HFE: variants seen among roughly 807,000 people sequenced by gnomAD.
The protein encoded by HFE is hereditary hemochromatosis protein.
In HFE, 36 loss-of-function variants were observed where a neutral mutation model predicts 40.9. The ratio of observed to expected loss-of-function variants is 0.88; its 90% CI spans 0.67 to 1.16. The LOEUF is 1.16. HFE is among the 50% of genes most tolerant of loss of function. The pLI is 0.00. For synonymous variants in HFE, 157 were observed against 165.4 expected (o/e 0.95, Z 0.39); for missense variants, 376 against 432.0 (o/e 0.87, Z 1.15).
Position 26,092,742 on chromosome 6 carries a change from G to C in HFE, c.674G>C (p.Cys225Ser). 6.2e-7 allele frequency: 1 copy of C among 1,614,202 alleles called. No individual in the cohort carries two copies. Among genetic ancestry groups the C allele is most frequent in the Non-Finnish European group, 8.5e-7 (1 of 1,180,042 alleles). ...HVTSSVTTLR[C>S]RALNYYPQNI... ...ACCTCTTCAGTGACCACTCTACGGT[G>C]TCGGGCCTTGAACTACTACCCCCAG... Residue 225 changes from cysteine (C) to serine (S), a missense_variant, in exon 4 of 6, where the codon TGT becomes TCT. By Grantham distance (112) the Cys-to-Ser change is moderately radical. This residue lies in a region of HFE where 173 missense variants were observed against 186.9 expected (regional missense o/e 0.93). Transcript: ENST00000357618.
At chr6:26,091,162 G>A (rs1195516315) in intron 2 of HFE, 58 bp downstream of exon 2, 2 of 1,609,132 alleles carry the variant, frequency 1.2e-6, no homozygotes, top group African/African-American at 2.7e-5. Context: ...ATCTTTTCAT[G>A]CATCTTGAAG....
rs1420078589 is a variant in HFE at position 26,096,632 on chromosome 6, CT to C, written c.*2413del. On this transcript the variant is annotated 3_prime_UTR_variant, in exon 6 of 6. Transcript: ENST00000357618. Reference sequence around the variant, plus strand: ...CTCATCTCTTCTTTTAAACCATTTTCTTTTTTTGTGGTTAGAAAAGTTATGT... The same window carrying C: ...CTCATCTCTTCTTTTAAACCATTTTCTTTTTTGTGGTTAGAAAAGTTATGT... 2.2e-6 allele frequency: 1 copy of C among 448,012 alleles called. No homozygotes were observed. Among genetic ancestry groups the C allele is most frequent in the Admixed American group, 2.5e-5 (1 of 40,780 alleles). The allele number at this position is 448,012 out of a possible 1,614,324, so 27.8% of individuals were successfully genotyped here. A position where few individuals can be genotyped will look rare whatever the true frequency, so the allele number is the denominator to read the frequency against.
At chr6:26,089,118 G>A (rs967932448) in intron 1 of HFE, among the ~76,000 whole-genome samples, 2 of 145,950 alleles carry the variant, frequency 1.4e-5, no homozygotes, top group Admixed American at 1.4e-4. Context: ...TGGGGGGGGG[G>A]GGCGGCGTGG....
rs1762852206 is a variant in HFE at position 26,093,148 on chromosome 6, G to A, written c.922G>A (p.Gly308Arg). ...EPSPSGTLVI[G>R]VISGIAVFVV... ...CTCACCGTCTGGCACCCTAGTCATT[G>A]GAGTCATCAGTGGAATTGCTGTTTT... The change falls in exon 5 of 6, where the codon GGA becomes AGA. Residue 308 changes from glycine (G) to arginine (R), a missense_variant. By Grantham distance (125) the Gly-to-Arg change is moderately radical (BLOSUM62 -2). This residue lies in a region of HFE where 173 missense variants were observed against 186.9 expected (regional missense o/e 0.93). Transcript: ENST00000357618. 6.2e-7 allele frequency: 1 copy of A among 1,614,122 alleles called. No individual in the cohort carries two copies. The highest frequency in any genetic ancestry group is 1.3e-5 in the African/African-American group (1 of 75,020).
Position 26,096,383 on chromosome 6 carries a change from C to T in HFE, c.*2157C>T, listed in dbSNP as rs1243624368. On this transcript the variant is annotated 3_prime_UTR_variant, in exon 6 of 6. Coordinates refer to ENST00000357618, the MANE Select transcript of HFE (RefSeq NM_000410.4). ...TCTCCTGACCTCGTGATCCGCCTGC[C>T]TCGGCCTCCCAAAGTGCTGAGATTA... 2 of 451,110 alleles carry T rather than the reference C, an allele frequency of 4.4e-6. No individual in the cohort carries two copies. The highest frequency in any genetic ancestry group is 8.9e-6 in the Non-Finnish European group (2 of 225,460). 27.9% of individuals were successfully genotyped at this position (451,110 alleles called of 1,614,324 possible).
At chr6:26,092,510 A>G (rs1248638226) in intron 3 of HFE, 175 bp from the exon 4 acceptor site, 1 of 1,016,610 alleles carries the variant, frequency 9.8e-7, no homozygotes, top group African/African-American at 1.6e-5. Context: ...CTGCTCTCCA[A>G]GTGACACTGT....
Position 26,093,205 on chromosome 6 carries a change from A to G in HFE, c.979A>G (p.Ile327Val). The change falls in exon 5 of 6, where the codon ATA becomes GTA. Residue 327 changes from isoleucine (I) to valine (V), a missense_variant. Physicochemically the swap from Ile to Val is conservative, Grantham distance 29. Coordinates refer to ENST00000357618, the MANE Select transcript of HFE (RefSeq NM_000410.4). ...VVILFIGILF[I>V]ILRKRQGSRG... ...CATCTTGTTCATTGGAATTTTGTTC[A>G]TAATATTAAGGAAGAGGCAGGGTTC... The G allele has an allele frequency of 6.2e-7, 1 of 1,613,828 alleles. No individual in the cohort carries two copies. The highest frequency in any genetic ancestry group is 8.5e-7 in the Non-Finnish European group (1 of 1,179,696).
At position 26,096,758 on chromosome 6, in the gene HFE, T is replaced by G; in HGVS notation, c.*2532T>G. On this transcript the variant is annotated 3_prime_UTR_variant, in exon 6 of 6. Transcript: ENST00000357618. Reference sequence around the variant, plus strand: ...TAGCCAGTGAAAAACTATTAACAACTTGTCTATTACCTGTTAGTATTATTG... The same window carrying G: ...TAGCCAGTGAAAAACTATTAACAACGTGTCTATTACCTGTTAGTATTATTG... 5.4e-6 allele frequency: 2 copies of G among 369,162 alleles called. No individual in the cohort carries two copies. Among genetic ancestry groups the G allele is most frequent in the South Asian group, 4.2e-5 (2 of 47,534 alleles). The allele number at this position is 369,162 out of a possible 1,614,324, so 22.9% of individuals were successfully genotyped here.
chr6:26,092,910 C>A lies in HFE; in HGVS notation c.842C>A (p.Thr281Lys). The part of the protein sequence containing the change: ...AVPPGEEQRY[T>K]CQVEHPGLDQ... ...CCCCCTGGGGAAGAGCAGAGATATA[C>A]GTGCCAGGTGGAGCACCCAGGCCTG... The change falls in exon 4 of 6, where the codon ACG becomes AAG. Residue 281 changes from threonine to lysine, a missense_variant. Transcript: ENST00000357618. 2 of 1,614,154 alleles carry A rather than the reference C, an allele frequency of 1.2e-6. No individual in the cohort carries two copies. The highest frequency in any genetic ancestry group is 1.7e-6 in the Non-Finnish European group (2 of 1,180,034).
At chr6:26,087,686 A>G (rs1762379472) in intron 1 of HFE, among the ~76,000 whole-genome samples, 170 bp downstream of exon 1, 2 of 152,002 alleles carry the variant, frequency 1.3e-5, no homozygotes, top group South Asian at 2.1e-4. Context: ...AGTGCCTACC[A>G]CTGAACTGCA....
rs1156457031 is a variant in HFE, at chr6:26,090,798, C to T, written c.77-43C>T. On this transcript the variant is annotated intron_variant, in intron 1 of 5. Transcript: ENST00000357618. The stretch of plus-strand genomic sequence containing the variant: ...TGTGTGGAGCCTCAACATCCTGCTC[C>T]CCTCCTACTACACATGGTTAAGGCC... 1.9e-6 allele frequency: 3 copies of T among 1,607,386 alleles called. No individual in the cohort carries two copies. In the South Asian group the frequency reaches 3.3e-5, roughly 18 times the overall value.
intron 2 of HFE, 51 bp downstream of exon 2, chr6:26,091,155 TTTTCATGCATC>T (rs760896541): frequency 7.4e-6 from 12 of 1,611,438 alleles, no homozygotes; most frequent in Non-Finnish European, 1.0e-5. Context: ...GCTTTTCATC[TTTTCATGCATC>T]TTGAAGGAAA....
intron 1 of HFE, among the ~76,000 whole-genome samples, chr6:26,089,657 T>C (rs949309921): frequency 3.9e-5 from 6 of 151,960 alleles, no homozygotes; most frequent in African/African-American, 1.5e-4. Flanking sequence ...AAGAGAAGAA[T>C]TGGCTGGGTG....
chr6:26,090,442 CAAAAAAAAAAAAAAAAAAA>C (rs56267433), intron 1 of HFE, among the ~76,000 whole-genome samples: 1 of 36,720 alleles, frequency 2.7e-5, no homozygotes, highest in Non-Finnish European at 4.7e-5. Flanking sequence ...GACTCTGTCT[CAAAAAAAAAAAAAAAAAAA>C]AAAAAAAAAA....
At chr6:26,091,734 A>G in intron 3 of HFE, 145 bp downstream of exon 3, 3 of 778,842 alleles carry the variant, frequency 3.9e-6, no homozygotes, top group Non-Finnish European at 6.5e-6. Context: ...TCAATCCTAG[A>G]GTCTCTACCT....
intron 1 of HFE, among the ~76,000 whole-genome samples, chr6:26,089,999 G>GT (rs1299502819): frequency 2.0e-5 from 3 of 152,192 alleles, no homozygotes; most frequent in African/African-American, 7.2e-5. Context: ...GGCCTGAGCA[G>GT]TGGGGTAATT....
chr6:26,091,180 C>T (rs1184622589), intron 2 of HFE, 76 bp downstream of exon 2: 12 of 1,605,808 alleles, frequency 7.5e-6, no homozygotes, highest in East Asian at 2.2e-5. Context: ...AAGGAAACAG[C>T]TGGAAGTCTG....
chr6:26,092,620 A>C (rs1762801028), intron 3 of HFE, 65 bp from the exon 4 acceptor site: 1 of 1,613,730 alleles, frequency 6.2e-7, no homozygotes, highest in African/African-American at 1.3e-5. Flanking sequence ...AGGAAGTGAA[A>C]GTTCCAGTCT....
At chr6:26,090,032 T>G (rs981984381) in intron 1 of HFE, among the ~76,000 whole-genome samples, 13 of 152,118 alleles carry the variant, frequency 8.5e-5, no homozygotes, top group African/African-American at 3.1e-4. Context: ...TCTGAGATGG[T>G]GAAGGCAGAG....
Sources: allele counts gnomAD v4.1 joint callset (sites outside exome capture counted in the v4.1 genomes callset), GRCh38; gene constraint gnomAD v4.1.1; regional missense constraint gnomAD v4.1.1; transcripts MANE v1.5; gene names NCBI Gene and HGNC (gene_info 2026-07-23, HGNC 2026-07-21).